The following ZHX3 variants were observed in gnomAD, a reference collection of about 807,000 sequenced individuals.
ZHX3 encodes the protein zinc fingers and homeoboxes 3, also known as zinc fingers and homeoboxes protein 3.
A neutral mutation model predicts 64.5 loss-of-function variants in ZHX3; 20 were observed. The ratio of observed to expected loss-of-function variants is 0.31; its 90% CI spans 0.22 to 0.45. The LOEUF is 0.45. Among genes scored for constraint, ZHX3 ranks in the 20% least tolerant of loss-of-function variants. ZHX3 has a pLI of 1.00. For synonymous variants in ZHX3, 423 were observed against 461.6 expected (o/e 0.92, Z 1.07); for missense variants, 1,041 against 1,195.8 (o/e 0.87, Z 1.91).
chr20:41,210,753 C>G (rs145791593), intron 2 of ZHX3, among the ~76,000 whole-genome samples: 1 of 152,050 alleles, frequency 6.6e-6, no homozygotes, highest in African/African-American at 2.4e-5. Flanking sequence ...GACAAGTTAA[C>G]GAGTGCAGCA....
At chr20:41,206,105 TAACA>T (rs1416614329) in intron 2 of ZHX3, among the ~76,000 whole-genome samples, 3 of 152,126 alleles carry the variant, frequency 2.0e-5, no homozygotes, top group South Asian at 4.1e-4. Context: ...GAAGGAAAAC[TAACA>T]AACAGAAAGG....
chr20:41,210,925 A>T (rs947496473), intron 2 of ZHX3, among the ~76,000 whole-genome samples: 3 of 152,168 alleles, frequency 2.0e-5, no homozygotes, highest in Non-Finnish European at 4.4e-5. Context: ...GGAAACCAGA[A>T]ACAAATAATC....
intron 2 of ZHX3, among the ~76,000 whole-genome samples, chr20:41,235,086 T>C (rs1366426251): frequency 6.6e-6 from 1 of 152,170 alleles, no homozygotes; most frequent in Non-Finnish European, 1.5e-5. Context: ...GTTATAATTT[T>C]GAATTATTGT....
At position 41,204,674 on chromosome 20, in the gene ZHX3, G is replaced by A. The variant is rs911929290; in HGVS notation, c.243C>T (p.Tyr81=). Residue 81 remains tyrosine (Y), a synonymous_variant, in exon 3 of 4, where the codon TAC becomes TAT. Transcript: ENST00000683867. The surrounding 1 kb of genome is among the most constrained non-coding windows in gnomAD (Gnocchi z 6.6). ...TLDGYLYSCK[Y]CDFRSHDMTQ... The stretch of plus-strand genomic sequence containing the variant: ...TCATGTCATGGGATCTGAAATCGCA[G>A]TATTTACAGGAATATAAATAGCCAT... 1.2e-6 allele frequency: 2 copies of A among 1,614,124 alleles called. No homozygotes were observed. The highest frequency in any genetic ancestry group is 1.3e-5 in the African/African-American group (1 of 74,938).
chr20:41,280,892 T>C (rs1568938906), intron 1 of ZHX3, among the ~76,000 whole-genome samples: 2 of 151,922 alleles, frequency 1.3e-5, no homozygotes. Context: ...CTTTTTTTTT[T>C]TAAAGGAGAG....
At chr20:41,281,304 T>G (rs946557824) in intron 1 of ZHX3, among the ~76,000 whole-genome samples, 1 of 152,184 alleles carries the variant, frequency 6.6e-6, no homozygotes, top group Non-Finnish European at 1.5e-5. Context: ...TCCATGAAGT[T>G]CACCACTGTG....
At chr20:41,247,402 T>C (rs2041761793) in intron 2 of ZHX3, among the ~76,000 whole-genome samples, 1 of 151,944 alleles carries the variant, frequency 6.6e-6, no homozygotes, top group African/African-American at 2.4e-5. Flanking sequence ...TGTAGGTCAT[T>C]TGGGTCTTGG....
At chr20:41,296,932 A>G (rs1046453858) in intron 1 of ZHX3, among the ~76,000 whole-genome samples, 1 of 152,032 alleles carries the variant, frequency 6.6e-6, no homozygotes, top group African/African-American at 2.4e-5. Context: ...ATTTTCATCC[A>G]TTTGTCTCTT....
At chr20:41,277,684 C>T (rs111255804) in intron 1 of ZHX3, among the ~76,000 whole-genome samples, 3 of 150,526 alleles carry the variant, frequency 2.0e-5, no homozygotes, top group Admixed American at 1.3e-4. Flanking sequence ...CTCCGCCTCC[C>T]GGGTTCATGC....
In ZHX3 at chr20:41,204,069, TG is replaced by T. The variant is rs1568818885; in HGVS notation, c.847del (p.Gln283AsnfsTer17). The T allele has an allele frequency of 3.1e-6, 5 of 1,612,440 alleles. No individual in the cohort carries two copies. Among genetic ancestry groups the T allele is most frequent in the Non-Finnish European group, 3.4e-6 (4 of 1,179,092 alleles). On this transcript the variant is annotated frameshift_variant, in exon 3 of 4. Transcript: ENST00000683867. LOFTEE classifies it high-confidence loss of function. This position sits in a 1 kb window ranked among gnomAD's most constrained non-coding sequence, Gnocchi z 6.6. ...SLQQQPPVHA[Q>X]HHVHQPLPTA... ...GGGCAGTGGCTGGTGGACATGGTGT[TG>T]GGCATGCACTGGGGGCTGCTGCTGG...
intron 2 of ZHX3, among the ~76,000 whole-genome samples, chr20:41,255,033 G>A (rs1472031647): frequency 3.9e-5 from 6 of 152,108 alleles, no homozygotes; most frequent in Admixed American, 1.3e-4. Flanking sequence ...CAGAAAAGGG[G>A]AAGAAAAAGC....
chr20:41,269,991 A>C (rs549694981), intron 1 of ZHX3, among the ~76,000 whole-genome samples: 2 of 152,300 alleles, frequency 1.3e-5, no homozygotes, highest in East Asian at 3.9e-4. Context: ...GATTGTTCTA[A>C]GATCTTTAAA....
Position 41,179,522 on chromosome 20 carries a change from T to G in ZHX3, c.*5669A>C, listed in dbSNP as rs2036168002. 1 of 152,246 alleles carries G rather than the reference T, an allele frequency of 6.6e-6. No individual in the cohort carries two copies. The highest frequency in any genetic ancestry group is 2.4e-5 in the African/African-American group (1 of 41,470). The allele number at this position is 152,246 out of a possible 1,614,324, so 9.4% of individuals were successfully genotyped here. On this transcript the variant is annotated 3_prime_UTR_variant, in exon 4 of 4. Coordinates refer to ENST00000683867, the MANE Select transcript of ZHX3 (RefSeq NM_001384317.1). The surrounding 1 kb of genome is among the most constrained non-coding windows in gnomAD (Gnocchi z 4.3). Reference sequence around the variant, plus strand: ...ATAGGTACCATGTAGATTTTTCTTTTAAATGTATTTCTACTCAGGTTTGAT... The same window carrying G: ...ATAGGTACCATGTAGATTTTTCTTTGAAATGTATTTCTACTCAGGTTTGAT...
chr20:41,250,846 T>C (rs1382508819), intron 2 of ZHX3, among the ~76,000 whole-genome samples: 1 of 152,160 alleles, frequency 6.6e-6, no homozygotes, highest in African/African-American at 2.4e-5. Flanking sequence ...AGGTTTCTTA[T>C]CTAAAACCAT....
rs374697047 is a variant in ZHX3, at chr20:41,226,489, C to T, written c.-150-21423G>A. 1.3e-5 allele frequency among the ~76,000 whole-genome samples: 2 copies of T among 152,234 alleles called. No individual in the cohort carries two copies. Among genetic ancestry groups the T allele is most frequent in the South Asian group, 2.1e-4 (1 of 4,820 alleles). On this transcript the variant is annotated intron_variant, in intron 2 of 3. Coordinates refer to ENST00000683867, the MANE Select transcript of ZHX3 (RefSeq NM_001384317.1). The surrounding 1 kb of genome is among the most constrained non-coding windows in gnomAD (Gnocchi z 4.4). ...CCCCTCTTGGTTATTGTGAATAATG[C>T]TGCAGTGAATATGGGTGTGCAAATA...
intron 2 of ZHX3, among the ~76,000 whole-genome samples, chr20:41,216,044 T>C (rs999245949): frequency 3.3e-5 from 5 of 151,648 alleles, no homozygotes; most frequent in Admixed American, 6.6e-5. Flanking sequence ...AAAGATCAAG[T>C]GGACAAAGAA....
Position 41,203,699 on chromosome 20 carries a change from G to A in ZHX3, c.1218C>T (p.Ile406=). ...CAACGTGACCTGGAAGAGCGGCCTG[G>A]ATGAGATGCTGGACATTGCCAGCAC... The part of the protein sequence containing the change: ...VASAGNVQHL[I]QAALPGHVVG... Residue 406 remains isoleucine, a synonymous_variant, in exon 3 of 4, where the codon ATC becomes ATT. Transcript: ENST00000683867. The surrounding 1 kb of genome is among the most constrained non-coding windows in gnomAD (Gnocchi z 7.1). 2 of 1,614,186 alleles carry A rather than the reference G, an allele frequency of 1.2e-6. No individual in the cohort carries two copies. The highest frequency in any genetic ancestry group is 3.3e-4 in the Middle Eastern group (2 of 6,062).
At chr20:41,266,361 A>T (rs2042846291) in intron 2 of ZHX3, among the ~76,000 whole-genome samples, 1 of 151,906 alleles carries the variant, frequency 6.6e-6, no homozygotes, top group East Asian at 1.9e-4. Context: ...TTCGCCTTTG[A>T]CCTTCCCATT....
At position 41,181,497 on chromosome 20, in the gene ZHX3, T is replaced by C. The variant is rs939542995; in HGVS notation, c.*3694A>G. On this transcript the variant is annotated 3_prime_UTR_variant, in exon 4 of 4. Coordinates refer to ENST00000683867, the MANE Select transcript of ZHX3 (RefSeq NM_001384317.1). ...CTTTATCCACTTGGGGTGTGATATC[T>C]GAACTGAAAAAGCTGCACCAATCTG... The C allele has an allele frequency of 1.7e-4, 26 of 152,126 alleles. No homozygotes were observed. Among genetic ancestry groups the C allele is most frequent in the Non-Finnish European group, 8.8e-5 (6 of 68,032 alleles). 9.4% of individuals were successfully genotyped at this position (152,126 alleles called of 1,614,324 possible).
Sources: allele counts gnomAD v4.1 joint callset (sites outside exome capture counted in the v4.1 genomes callset), GRCh38; gene constraint gnomAD v4.1.1; non-coding constraint Gnocchi (gnomAD v3.1); transcripts MANE v1.5; gene names NCBI Gene and HGNC (gene_info 2026-07-23, HGNC 2026-07-21).